The following IGF1R variants were observed in gnomAD, a reference collection of about 807,000 sequenced individuals.
The protein encoded by IGF1R is insulin-like growth factor 1 receptor.
Under a neutral mutation model 144.6 loss-of-function variants are expected in IGF1R, and 44 were observed. The observed-to-expected ratio is 0.30, with a 90% CI of 0.24 to 0.39. The LOEUF is 0.39. Among genes scored for constraint, IGF1R ranks in the 10% least tolerant of loss-of-function variants. The probability of loss-of-function intolerance (pLI) is 1.00; values close to 1 mark genes in which losing one functional copy is unlikely to be tolerated. For synonymous variants in IGF1R, 795 were observed against 722.8 expected (o/e 1.10, Z -1.60); for missense variants, 1,355 against 1,833.7 (o/e 0.74, Z 4.77).
At chr15:98,820,190 T>C (rs1180948603) in intron 2 of IGF1R, among the ~76,000 whole-genome samples, 1 of 97,660 alleles carries the variant, frequency 1.0e-5, no homozygotes, top group Non-Finnish European at 2.0e-5. Context: ...GTGGAATTGC[T>C]GATGCTATTT....
intron 13 of IGF1R, 26 bp downstream of exon 13, chr15:98,924,710 CGTG>C (rs759480686): frequency 1.9e-6 from 3 of 1,599,274 alleles, no homozygotes; most frequent in South Asian, 2.2e-5. Context: ...GGAGAAGAAA[CGTG>C]GTAAAACTGA....
intron 2 of IGF1R, among the ~76,000 whole-genome samples, chr15:98,864,882 C>G (rs1377575212): frequency 3.9e-5 from 6 of 152,080 alleles, no homozygotes; most frequent in Non-Finnish European, 8.8e-5. Flanking sequence ...GCAATCCATC[C>G]CAGTTTGTAA....
chr15:98,765,444 G>A (rs2055414242), intron 2 of IGF1R, among the ~76,000 whole-genome samples: 1 of 150,314 alleles, frequency 6.7e-6, no homozygotes, highest in Non-Finnish European at 1.5e-5. Flanking sequence ...AAGTAGCTGG[G>A]GCCACAGGTG....
At chr15:98,904,242 C>T (rs746250739) in intron 5 of IGF1R, among the ~76,000 whole-genome samples, 16 of 151,930 alleles carry the variant, frequency 1.1e-4, no homozygotes, top group Middle Eastern at 3.4e-3. Context: ...TTAGTAGAGA[C>T]GGGGTTTCAC....
chr15:98,942,548 A>C (rs1489049627), intron 18 of IGF1R, among the ~76,000 whole-genome samples: 1 of 152,206 alleles, frequency 6.6e-6, no homozygotes, highest in African/African-American at 2.4e-5. Context: ...TGTGTTGCCC[A>C]GGCTGATCTT....
intron 2 of IGF1R, among the ~76,000 whole-genome samples, chr15:98,764,998 C>T: frequency 6.6e-6 from 1 of 152,162 alleles, no homozygotes; most frequent in South Asian, 2.1e-4. Context: ...CTGGCAACCA[C>T]CAGTCTGCAT....
chr15:98,908,999 G>A (rs2014864604), intron 6 of IGF1R, 100 bp downstream of exon 6: 10 of 1,053,648 alleles, frequency 9.5e-6, no homozygotes, highest in Middle Eastern at 2.9e-4. Flanking sequence ...GCCCCTCCTG[G>A]TTTCACATGG....
chr15:98,916,709 C>T lies in IGF1R; in HGVS notation c.2034C>T (p.Ile678=), dbSNP rs2015267838. The part of the protein sequence containing the change: ...IPIRKYADGT[I]DIEEVTENPK... ...TCAGGAAGTATGCCGACGGCACCAT[C>T]GACATTGAGGAGGTCACAGAGAACC... is the stretch of plus-strand genomic sequence containing the variant. Residue 678 remains isoleucine (I), a synonymous_variant, in exon 10 of 21, where the codon ATC becomes ATT. Coordinates refer to ENST00000650285, the MANE Select transcript of IGF1R (RefSeq NM_000875.5). 2 of 1,614,090 alleles carry T rather than the reference C, an allele frequency of 1.2e-6. No individual in the cohort carries two copies. Among genetic ancestry groups the T allele is most frequent in the South Asian group, 2.2e-5 (2 of 91,066 alleles).
chr15:98,947,931 G>A (rs2016617222), intron 19 of IGF1R, among the ~76,000 whole-genome samples: 1 of 152,136 alleles, frequency 6.6e-6, no homozygotes, highest in Non-Finnish European at 1.5e-5. Flanking sequence ...GATCCCTATA[G>A]ATCTTCTAAA....
chr15:98,913,854 C>T (rs1567195435), intron 8 of IGF1R, among the ~76,000 whole-genome samples: 1 of 152,090 alleles, frequency 6.6e-6, no homozygotes, highest in Non-Finnish European at 1.5e-5. Context: ...TAAAAGCAAA[C>T]GTTAATAGTT....
chr15:98,949,497 C>T (rs895341482), intron 20 of IGF1R, among the ~76,000 whole-genome samples: 2 of 151,526 alleles, frequency 1.3e-5, no homozygotes, highest in Non-Finnish European at 2.9e-5. Context: ...TCCTGCCTCA[C>T]CCTCCAAAAT....
chr15:98,782,047 T>G (rs2094200339), intron 2 of IGF1R, among the ~76,000 whole-genome samples: 1 of 152,142 alleles, frequency 6.6e-6, no homozygotes, highest in South Asian at 2.1e-4. Context: ...TGTCTGCTTG[T>G]GAACTCCTGA....
At chr15:98,835,679 A>G (rs2057087263) in intron 2 of IGF1R, among the ~76,000 whole-genome samples, 1 of 152,244 alleles carries the variant, frequency 6.6e-6, no homozygotes, top group Non-Finnish European at 1.5e-5. Context: ...CAGAGGAATC[A>G]AAAGCCAGAC....
intron 2 of IGF1R, among the ~76,000 whole-genome samples, chr15:98,755,295 T>C (rs1032692883): frequency 6.6e-5 from 10 of 152,152 alleles, no homozygotes. Flanking sequence ...GTTCACAAAA[T>C]GGATGATTCA....
At chr15:98,903,613 G>A (rs760823087) in intron 5 of IGF1R, among the ~76,000 whole-genome samples, 4 of 152,118 alleles carry the variant, frequency 2.6e-5, no homozygotes, top group South Asian at 2.1e-4. Context: ...ATAGCCTCCC[G>A]GGATTCCCCC....
At chr15:98,852,424 C>A (rs1344346669) in intron 2 of IGF1R, among the ~76,000 whole-genome samples, 1 of 152,250 alleles carries the variant, frequency 6.6e-6, no homozygotes, top group Non-Finnish European at 1.5e-5. Context: ...CAGGGCCCAC[C>A]CTCCCCGCCG....
At chr15:98,775,982 A>G (rs961795742) in intron 2 of IGF1R, among the ~76,000 whole-genome samples, 4 of 152,130 alleles carry the variant, frequency 2.6e-5, no homozygotes, top group Non-Finnish European at 5.9e-5. Flanking sequence ...AGTGCCTAGT[A>G]TTTGCCAAGT....
intron 2 of IGF1R, among the ~76,000 whole-genome samples, chr15:98,715,267 C>T (rs929626188): frequency 6.6e-6 from 1 of 152,164 alleles, no homozygotes; most frequent in Non-Finnish European, 1.5e-5. Context: ...TTTCTTGGGG[C>T]GTGTGCCTTG....
intron 10 of IGF1R, 97 bp downstream of exon 10, chr15:98,916,973 G>T (rs749774039): frequency 1.1e-5 from 11 of 1,038,416 alleles, no homozygotes; most frequent in Non-Finnish European, 1.6e-5. Context: ...GTCAGCAGCT[G>T]GGGGGTACAA....
Sources: allele counts gnomAD v4.1 joint callset (sites outside exome capture counted in the v4.1 genomes callset), GRCh38; gene constraint gnomAD v4.1.1; transcripts MANE v1.5; gene names NCBI Gene and HGNC (gene_info 2026-07-23, HGNC 2026-07-21).